Variants in TYW1B observed in about 807,000 individuals in gnomAD.
The protein encoded by TYW1B is S-adenosyl-L-methionine-dependent tRNA 4-demethylwyosine synthase TYW1B.
TYW1B carries 73 observed loss-of-function variants against 86.9 expected under a neutral mutation model. The observed-to-expected ratio is 0.84, with a 90% CI of 0.70 to 1.02. TYW1B has a LOEUF of 1.02. Among genes scored for constraint, TYW1B ranks in the 50% least tolerant of loss-of-function variants. TYW1B has a pLI of 0.00. For missense variants in TYW1B, 637 were observed against 827.4 expected (o/e 0.77, Z 2.82); for synonymous variants, 248 against 292.8 (o/e 0.85, Z 1.56).
intron 10 of TYW1B, among the ~76,000 whole-genome samples, chr7:72,698,530 C>A (rs527983627): frequency 6.6e-6 from 1 of 151,874 alleles, no homozygotes; most frequent in African/African-American, 2.4e-5. Context: ...CCTGTAATCC[C>A]AGCTACTCAG....
intron 7 of TYW1B, among the ~76,000 whole-genome samples, chr7:72,745,186 G>A (rs1787373832): frequency 6.6e-6 from 1 of 152,000 alleles, no homozygotes. Flanking sequence ...CACCATGCCT[G>A]GTTATTTTTT....
Position 72,718,227 on chromosome 7 carries a change from T to C in TYW1B, c.1193-4429A>G, listed in dbSNP as rs1338108386. Reference sequence around the variant, plus strand: ...CCTAGGTGAACTAAAAAACAGAACATCAAATATCACACGTTCTCACTTTTA... The same window carrying C: ...CCTAGGTGAACTAAAAAACAGAACACCAAATATCACACGTTCTCACTTTTA... On this transcript the variant is annotated intron_variant, in intron 9 of 13. Transcript: ENST00000620995. Among the ~76,000 whole-genome samples the C allele has an allele frequency of 4.6e-5, 7 of 151,788 alleles. No homozygotes were observed. The East Asian group carries it at 1.2e-3, about 25-fold the overall frequency.
rs182086643 is a variant in TYW1B, at chr7:72,675,018, T to C, written c.1506+19669A>G. 3.4e-3 allele frequency among the ~76,000 whole-genome samples: 519 copies of C among 152,278 alleles called. 1 individual carries two copies. Among genetic ancestry groups the C allele is most frequent in the Non-Finnish European group, 5.4e-3 (370 of 68,022 alleles). ...CCAAGGACCTGCTTAGAATAACTTT[T>C]AGTTCTAGCATCTTTCTTTCTAGAA... On this transcript the variant is annotated intron_variant, in intron 11 of 13. Transcript: ENST00000620995.
At chr7:72,622,037 C>T (rs1295387904) in intron 12 of TYW1B, among the ~76,000 whole-genome samples, 4 of 152,188 alleles carry the variant, frequency 2.6e-5, no homozygotes, top group African/African-American at 9.6e-5. Context: ...TTACTGAGCA[C>T]GTCCTATTCT....
intron 7 of TYW1B, among the ~76,000 whole-genome samples, chr7:72,775,754 T>C (rs1179813771): frequency 6.8e-6 from 1 of 147,920 alleles, no homozygotes; most frequent in Non-Finnish European, 1.5e-5. Flanking sequence ...AAAAAACAAG[T>C]AGTCCTTCAG....
intron 2 of TYW1B, chr7:72,823,191 T>C (rs1387098903): frequency 6.6e-6 from 1 of 151,776 alleles, no homozygotes; most frequent in African/African-American, 2.4e-5. Context: ...GTATTTTTAG[T>C]AGAAATGGGG....
intron 13 of TYW1B, among the ~76,000 whole-genome samples, chr7:72,576,805 C>A (rs2129567488): frequency 6.6e-6 from 1 of 151,860 alleles, no homozygotes; most frequent in South Asian, 2.1e-4. Flanking sequence ...AGCCACCACA[C>A]CCGGCCCATG....
At chr7:72,632,399 T>TAATATATATATACGTATATATATAA (rs1812542115) in intron 11 of TYW1B, among the ~76,000 whole-genome samples, 2 of 94,512 alleles carry the variant, frequency 2.1e-5, no homozygotes, top group African/African-American at 7.5e-5. Flanking sequence ...TATATATATA[T>TAATATATATATACGTATATATATAA]AATATATATA....
Position 72,810,633 on chromosome 7 carries a change from A to G in TYW1B, c.270T>C (p.Val90=). ...VTSKNVCVFL[V]ATYTDGLPTE... is the part of the protein sequence containing the mutation. Reference sequence around the variant, plus strand: ...TTGGTAGGCCGTCAGTGTATGTCGCAACCAGGAAGACACAGACATTTTTAC... The same window carrying G: ...TTGGTAGGCCGTCAGTGTATGTCGCGACCAGGAAGACACAGACATTTTTAC... The change falls in exon 4 of 14, where the codon GTT becomes GTC. Residue 90 remains valine (V), a synonymous_variant. Coordinates refer to ENST00000620995, the MANE Select transcript of TYW1B (RefSeq NM_001145440.3). 1 of 1,613,140 alleles carries G rather than the reference A, an allele frequency of 6.2e-7. No individual in the cohort carries two copies. Among genetic ancestry groups the G allele is most frequent in the Admixed American group, 1.7e-5 (1 of 59,838 alleles).
intron 13 of TYW1B, among the ~76,000 whole-genome samples, chr7:72,593,456 A>G (rs1294998568): frequency 6.6e-6 from 1 of 152,142 alleles, no homozygotes; most frequent in Non-Finnish European, 1.5e-5. Context: ...TTAGGCTACC[A>G]ATTAGGCCTA....
chr7:72,735,181 C>T (rs1379701403), intron 8 of TYW1B, among the ~76,000 whole-genome samples: 3 of 152,104 alleles, frequency 2.0e-5, no homozygotes, highest in Non-Finnish European at 2.9e-5. Context: ...TATTCACAAT[C>T]GCCAAGATAC....
intron 13 of TYW1B, among the ~76,000 whole-genome samples, chr7:72,604,514 A>G (rs1334352713): frequency 6.6e-6 from 1 of 152,088 alleles, no homozygotes; most frequent in Non-Finnish European, 1.5e-5. Context: ...GTTTTGAAAC[A>G]CTGCTATGTG....
intron 9 of TYW1B, among the ~76,000 whole-genome samples, chr7:72,719,725 G>C (rs1425719907): frequency 9.9e-5 from 15 of 151,136 alleles, no homozygotes; most frequent in Non-Finnish European, 7.4e-5. Flanking sequence ...AGAGGAAAAA[G>C]AGGCAGGCTG....
intron 10 of TYW1B, among the ~76,000 whole-genome samples, chr7:72,702,842 A>C (rs1554452814): frequency 6.6e-6 from 1 of 151,976 alleles, no homozygotes; most frequent in African/African-American, 2.4e-5. Flanking sequence ...AGGTAAAAAA[A>C]AGTCGCTTGT....
chr7:72,624,562 C>A (rs1311703937), intron 12 of TYW1B, among the ~76,000 whole-genome samples: 1 of 152,084 alleles, frequency 6.6e-6, no homozygotes, highest in Non-Finnish European at 1.5e-5. Context: ...CTACAGCATC[C>A]AAGGAAGAAT....
chr7:72,818,135 T>A (rs1788759416), intron 2 of TYW1B, among the ~76,000 whole-genome samples: 1 of 151,198 alleles, frequency 6.6e-6, no homozygotes, highest in South Asian at 2.1e-4. Context: ...TCTCACCATG[T>A]GGTACCTATT....
Position 72,721,606 on chromosome 7 carries a change from TCA to T in TYW1B, c.1192+7214_1192+7215del, listed in dbSNP as rs530269832. ...AGTGCTGTTTCCCATTATCTCACAC[TCA>T]CACACACACACACATGCACACACAC... On this transcript the variant is annotated intron_variant, in intron 9 of 13. Coordinates refer to ENST00000620995, the MANE Select transcript of TYW1B (RefSeq NM_001145440.3). 5.3e-3 allele frequency among the ~76,000 whole-genome samples: 801 copies of T among 150,150 alleles called. 6 individuals carry two copies. Among genetic ancestry groups the T allele is most frequent in the African/African-American group, 0.018 (724 of 41,004 alleles).
At chr7:72,633,313 A>G (rs11763479) in intron 11 of TYW1B, among the ~76,000 whole-genome samples, 14,417 of 112,010 alleles carry the variant, frequency 0.13, no homozygotes, top group African/African-American at 0.21. Flanking sequence ...CCTTCAATAA[A>G]AGATTCCCGT....
chr7:72,785,819 A>G (rs749893787), intron 6 of TYW1B, among the ~76,000 whole-genome samples: 2 of 152,166 alleles, frequency 1.3e-5, no homozygotes, highest in Non-Finnish European at 2.9e-5. Flanking sequence ...CCCCAAAGAA[A>G]ATGCCAGAAA....
Sources: gnomAD v4.1 joint callset for allele counts (sites outside exome capture counted in the v4.1 genomes callset) on GRCh38, gnomAD v4.1.1 for gene constraint, MANE v1.5 for transcripts, NCBI Gene and HGNC (gene_info 2026-07-23, HGNC 2026-07-21) for gene names.